Variants in OSBPL3 observed in about 807,000 individuals in gnomAD.
The protein encoded by OSBPL3 is oxysterol-binding protein-related protein 3.
Under a neutral mutation model 120.1 loss-of-function variants are expected in OSBPL3, and 65 were observed. The observed-to-expected ratio is 0.54, with a 90% CI of 0.44 to 0.67. The LOEUF is 0.67. OSBPL3 is among the 30% of genes least tolerant of loss of function. The pLI, the probability that OSBPL3 is intolerant of heterozygous loss-of-function variation, is 0.00. For missense variants in OSBPL3, 1,004 were observed against 1,082.1 expected, an observed-to-expected ratio of 0.93 and a Z score of 1.01; for synonymous variants, 416 against 402.6, an observed-to-expected ratio of 1.03 and a Z score of -0.40.
In OSBPL3 at chr7:24,974,847, C is replaced by T. The variant is rs995699668; in HGVS notation, c.-150+5039G>A. ...AGTGGGTGGGGATTAGGGGAATGGACGGGCAGTATGGGGAATGACTGGTAA... is the reference window on the plus strand; with the variant it reads ...AGTGGGTGGGGATTAGGGGAATGGATGGGCAGTATGGGGAATGACTGGTAA... On this transcript the variant is annotated intron_variant, in intron 1 of 22. Transcript: ENST00000313367. 3.9e-5 allele frequency among the ~76,000 whole-genome samples: 6 copies of T among 152,080 alleles called. No homozygotes were observed. The South Asian group carries it at 6.2e-4, about 16-fold the overall frequency.
At chr7:24,816,552 A>G in intron 18 of OSBPL3, 58 bp downstream of exon 18, 2 of 1,250,318 alleles carry the variant, frequency 1.6e-6, no homozygotes, top group Non-Finnish European at 1.2e-6. Flanking sequence ...CCTGTCCCCA[A>G]AGCAAAATCT....
intron 1 of OSBPL3, among the ~76,000 whole-genome samples, chr7:24,905,649 G>C (rs58877710): frequency 0.028 from 4,191 of 152,268 alleles, 182 homozygotes; most frequent in African/African-American, 0.086. Flanking sequence ...AGGGCTAAGA[G>C]TCATGACTCC....
At position 24,866,066 on chromosome 7, in the gene OSBPL3, T is replaced by C; in HGVS notation, c.549+4A>G. ...AGATTCATTATTGGCAAAACACTCATTACCTTCCTACTTGAAATGGAGTCA... is the reference window on the plus strand; with the variant it reads ...AGATTCATTATTGGCAAAACACTCACTACCTTCCTACTTGAAATGGAGTCA... On this transcript the variant is annotated splice_donor_region_variant and intron_variant, in intron 6 of 22. Transcript: ENST00000313367. The C allele has an allele frequency of 1.2e-6, 2 of 1,611,532 alleles. No individual in the cohort carries two copies. The highest frequency in any genetic ancestry group is 1.1e-5 in the South Asian group (1 of 91,014).
At chr7:24,892,833 G>T (rs991472050) in intron 1 of OSBPL3, among the ~76,000 whole-genome samples, 14 of 152,114 alleles carry the variant, frequency 9.2e-5, no homozygotes, top group African/African-American at 3.4e-4. Flanking sequence ...AATATAGCAG[G>T]CTTAAGAACA....
intron 1 of OSBPL3, chr7:24,906,332 A>G: frequency 8.3e-6 from 2 of 241,210 alleles, no homozygotes; most frequent in Admixed American, 4.8e-5. Flanking sequence ...GCATCATACC[A>G]GGGCAAAGAG....
rs773387056 is a variant in OSBPL3 at position 24,972,140 on chromosome 7, G to A, written c.-150+7746C>T. Among the ~76,000 whole-genome samples, 2 of 152,178 alleles carry A rather than the reference G, an allele frequency of 1.3e-5. No homozygotes were observed. Among genetic ancestry groups the A allele is most frequent in the Non-Finnish European group, 2.9e-5 (2 of 68,032 alleles). On this transcript the variant is annotated intron_variant, in intron 1 of 22. Transcript: ENST00000313367. This position sits in a 1 kb window ranked among gnomAD's most constrained non-coding sequence, Gnocchi z 4.3. Reference sequence around the variant, plus strand: ...GATATCATTGCGTTTCTGCTATAAAGGTGTTAAAAACTCAACTTTGGATTC... The same window carrying A: ...GATATCATTGCGTTTCTGCTATAAAAGTGTTAAAAACTCAACTTTGGATTC...
At position 24,806,892 on chromosome 7, in the gene OSBPL3, C is replaced by T. The variant is rs370254936; in HGVS notation, c.2328G>A (p.Pro776=). Residue 776 remains proline, a synonymous_variant, in exon 21 of 23, where the codon CCG becomes CCA. Transcript: ENST00000313367. The surrounding 1 kb of genome is among the most constrained non-coding windows in gnomAD (Gnocchi z 5.2). The stretch of plus-strand genomic sequence containing the variant: ...AGCTATAGTATTGCTCGTAGCCTTT[C>T]GGCATAGGATCTAAGAAGAAAATAA... The part of the protein sequence containing the change: ...SACVWRANPM[P]KGYEQYYSFT... 9 of 1,609,774 alleles carry T rather than the reference C, an allele frequency of 5.6e-6. No homozygotes were observed. Among genetic ancestry groups the T allele is most frequent in the South Asian group, 1.1e-5 (1 of 90,068 alleles).
At chr7:24,979,554 C>T (rs994969983) in intron 1 of OSBPL3, among the ~76,000 whole-genome samples, 4 of 152,206 alleles carry the variant, frequency 2.6e-5, no homozygotes, top group Admixed American at 1.3e-4. Flanking sequence ...CTCCCCGCTG[C>T]CCAGGACAGC....
At position 24,879,394 on chromosome 7, in the gene OSBPL3, C is replaced by A. The variant is rs187327224; in HGVS notation, c.97-7325G>T. ...CTAAATGGGAGTAGCAGTCATCACC[C>A]GCCACCGTCACCATCCCTTCTTTCC... is the stretch of plus-strand genomic sequence containing the variant. On this transcript the variant is annotated intron_variant, in intron 2 of 22. Transcript: ENST00000313367. The surrounding 1 kb of genome is among the most constrained non-coding windows in gnomAD (Gnocchi z 5.6). Among the ~76,000 whole-genome samples the A allele has an allele frequency of 6.6e-6, 1 of 152,120 alleles. No individual in the cohort carries two copies. Among genetic ancestry groups the A allele is most frequent in the Non-Finnish European group, 1.5e-5 (1 of 68,020 alleles).
In OSBPL3 at chr7:24,808,534, G is replaced by A. The variant is rs377452501; in HGVS notation, c.2317+1273C>T. Among the ~76,000 whole-genome samples, 30 of 152,290 alleles carry A rather than the reference G, an allele frequency of 2.0e-4. 1 individual carries two copies. The highest frequency in any genetic ancestry group is 7.2e-4 in the Admixed American group (11 of 15,296). On this transcript the variant is annotated intron_variant, in intron 20 of 22. Coordinates refer to ENST00000313367, the MANE Select transcript of OSBPL3 (RefSeq NM_015550.4). The surrounding 1 kb of genome is among the most constrained non-coding windows in gnomAD (Gnocchi z 4.6). The stretch of plus-strand genomic sequence containing the variant: ...GACTGTGCCATTTGCAAAATCTCAT[G>A]CTTGCCTCTGAAGCTAGGAAGGCTT...
At position 24,865,484 on chromosome 7, in the gene OSBPL3, A is replaced by G. The variant is rs1256607925; in HGVS notation, c.550-19T>C. 6.2e-7 allele frequency: 1 copy of G among 1,611,794 alleles called. No individual in the cohort carries two copies. Among genetic ancestry groups the G allele is most frequent in the African/African-American group, 1.3e-5 (1 of 74,986 alleles). ...TGCTACGCTGTTCCACGGATGACAA[A>G]AGCACATTGTAAATGGAAACAGAGC... On this transcript the variant is annotated intron_variant, in intron 6 of 22. Coordinates refer to ENST00000313367, the MANE Select transcript of OSBPL3 (RefSeq NM_015550.4).
chr7:24,959,463 T>A lies in OSBPL3; in HGVS notation c.-150+20423A>T, dbSNP rs966095821. ...CTCTCACAGACCTAAAGCGTTAACA[T>A]GAGTCAATTTACATAAGTTACAAAA... On this transcript the variant is annotated intron_variant, in intron 1 of 22. Coordinates refer to ENST00000313367, the MANE Select transcript of OSBPL3 (RefSeq NM_015550.4). The surrounding 1 kb of genome is among the most constrained non-coding windows in gnomAD (Gnocchi z 4.3). 3.3e-5 allele frequency among the ~76,000 whole-genome samples: 5 copies of A among 152,128 alleles called. No individual in the cohort carries two copies. Among genetic ancestry groups the A allele is most frequent in the African/African-American group, 1.2e-4 (5 of 41,434 alleles).
intron 15 of OSBPL3, among the ~76,000 whole-genome samples, chr7:24,832,488 C>T (rs1477610037): frequency 1.1e-4 from 14 of 129,402 alleles, no homozygotes; most frequent in Admixed American, 7.1e-4. Flanking sequence ...CCAGCCTGGG[C>T]GACAGAGAGA....
chr7:24,969,503 AT>A (rs767927477), intron 1 of OSBPL3, among the ~76,000 whole-genome samples: 86 of 152,328 alleles, frequency 5.6e-4, no homozygotes, highest in Non-Finnish European at 1.0e-3. Context: ...ATTTTATAGC[AT>A]CTGGATTTTG....
chr7:24,892,742 G>A, intron 1 of OSBPL3, 121 bp from the exon 2 acceptor site: 2 of 579,272 alleles, frequency 3.5e-6, no homozygotes, highest in Non-Finnish European at 4.9e-6. Context: ...TTTAGCTATA[G>A]CAGGCGCCGA....
Position 24,922,358 on chromosome 7 carries a change from T to G in OSBPL3, c.-149-29737A>C, listed in dbSNP as rs1236546777. Among the ~76,000 whole-genome samples, 1 of 152,170 alleles carries G rather than the reference T, an allele frequency of 6.6e-6. No homozygotes were observed. The highest frequency in any genetic ancestry group is 1.5e-5 in the Non-Finnish European group (1 of 68,018). On this transcript the variant is annotated intron_variant, in intron 1 of 22. Coordinates refer to ENST00000313367, the MANE Select transcript of OSBPL3 (RefSeq NM_015550.4). The surrounding 1 kb of genome is among the most constrained non-coding windows in gnomAD (Gnocchi z 4.3). ...CCAGCAATGTGACCTTGAGCAAATC[T>G]GCTTCCTTGTGCCTTGATATTCTCA... is the stretch of plus-strand genomic sequence containing the variant.
Position 24,849,267 on chromosome 7 carries a change from C to T in OSBPL3, c.1159-91G>A. On this transcript the variant is annotated intron_variant, in intron 11 of 22. Transcript: ENST00000313367. This position sits in a 1 kb window ranked among gnomAD's most constrained non-coding sequence, Gnocchi z 5.4. Reference sequence around the variant, plus strand: ...GCCCTGCAGGAGCGATCTCTAAGAGCTTGATGAAACTCTTAGTGACGTGGT... The same window carrying T: ...GCCCTGCAGGAGCGATCTCTAAGAGTTTGATGAAACTCTTAGTGACGTGGT... The T allele has an allele frequency of 2.3e-6, 2 of 881,204 alleles. No homozygotes were observed. Among genetic ancestry groups the T allele is most frequent in the Non-Finnish European group, 3.6e-6 (2 of 554,268 alleles). The allele number at this position is 881,204 out of a possible 1,614,324, so 54.6% of individuals were successfully genotyped here. A position where few individuals can be genotyped will look rare whatever the true frequency, so the allele number is the denominator to read the frequency against.
rs1811606494 is a variant in OSBPL3 at position 24,930,149 on chromosome 7, GA to G, written c.-149-37529del. On this transcript the variant is annotated intron_variant, in intron 1 of 22. Transcript: ENST00000313367. The surrounding 1 kb of genome is among the most constrained non-coding windows in gnomAD (Gnocchi z 4.4). Reference sequence around the variant, plus strand: ...AAGAGGTTAACCTGGAAAGGTTAATGACCAACTGAATTGATGGCTTTATTCT... The same window carrying G: ...AAGAGGTTAACCTGGAAAGGTTAATGCCAACTGAATTGATGGCTTTATTCT... Among the ~76,000 whole-genome samples the G allele has an allele frequency of 6.6e-6, 1 of 152,158 alleles. No homozygotes were observed. The highest frequency in any genetic ancestry group is 1.5e-5 in the Non-Finnish European group (1 of 68,016).
intron 12 of OSBPL3, among the ~76,000 whole-genome samples, chr7:24,847,050 ACT>A (rs1798531137): frequency 7.9e-6 from 1 of 125,960 alleles, no homozygotes. Context: ...ACAGAGCGAG[ACT>A]CTGTCTCAAA....
Sources: allele counts gnomAD v4.1 joint callset (sites outside exome capture counted in the v4.1 genomes callset), GRCh38; gene constraint gnomAD v4.1.1; non-coding constraint Gnocchi (gnomAD v3.1); transcripts MANE v1.5; gene names NCBI Gene and HGNC (gene_info 2026-07-23, HGNC 2026-07-21).